The following MAML3 variants were observed in gnomAD, a reference collection of about 807,000 sequenced individuals.
The protein encoded by MAML3 is mastermind-like protein 3.
A neutral mutation model predicts 101.9 loss-of-function variants in MAML3; 27 were observed. The observed-to-expected ratio is 0.27, with a 90% CI of 0.20 to 0.37. The LOEUF (loss-of-function observed/expected upper bound fraction) is 0.37. MAML3 is among the 10% of genes least tolerant of loss of function. The probability of loss-of-function intolerance (pLI) is 1.00; values close to 1 mark genes in which losing one functional copy is unlikely to be tolerated. For synonymous variants in MAML3, 501 were observed against 555.9 expected (o/e 0.90, Z 1.39); for missense variants, 1,316 against 1,444.9 (o/e 0.91, Z 1.45).
At chr4:140,133,183 GT>G in intron 1 of MAML3, 1 of 389,390 alleles carries the variant, frequency 2.6e-6, no homozygotes, top group South Asian at 1.9e-5. Context: ...AAAAAAGAGA[GT>G]TTACTTTAAA....
intron 1 of MAML3, among the ~76,000 whole-genome samples, chr4:140,111,977 C>A (rs1403806761): frequency 6.6e-6 from 1 of 152,174 alleles, no homozygotes; most frequent in Non-Finnish European, 1.5e-5. Flanking sequence ...TAGACTGACC[C>A]TTGGTTCTGG....
chr4:140,122,220 C>CTTTT lies in MAML3; in HGVS notation c.468+30636_468+30639dup, dbSNP rs369602172. Among the ~76,000 whole-genome samples, 31 of 124,580 alleles carry CTTTT rather than the reference C, an allele frequency of 2.5e-4. 6 individuals carry two copies. The highest frequency in any genetic ancestry group is 1.1e-3 in the South Asian group (4 of 3,726). The allele number at this position is 124,580 out of a possible 152,430, so 81.7% of individuals were successfully genotyped here. ...TTCTCACAGGAATAATCAAACGAGACTTTTTTTTTTTTTTTTTTTAAACAG... is the reference window on the plus strand; with the variant it reads ...TTCTCACAGGAATAATCAAACGAGACTTTTTTTTTTTTTTTTTTTTTTTAAACAG... On this transcript the variant is annotated intron_variant, in intron 1 of 4. Transcript: ENST00000509479.
In MAML3 at chr4:140,083,420, C is replaced by G. The variant is rs77973818; in HGVS notation, c.468+69440G>C. Reference sequence around the variant, plus strand: ...GCCATTCCAATGCACAGTCACCCTTCTTGCCCTGGGCCAGATTTAGGGAGG... The same window carrying G: ...GCCATTCCAATGCACAGTCACCCTTGTTGCCCTGGGCCAGATTTAGGGAGG... On this transcript the variant is annotated intron_variant, in intron 1 of 4. Transcript: ENST00000509479. 7.5e-3 allele frequency among the ~76,000 whole-genome samples: 1,138 copies of G among 152,304 alleles called. 14 individuals carry two copies. Among genetic ancestry groups the G allele is most frequent in the African/African-American group, 0.026 (1,090 of 41,554 alleles).
chr4:139,735,115 G>C lies in MAML3; in HGVS notation c.2080-4448C>G, dbSNP rs1204827607. On this transcript the variant is annotated intron_variant, in intron 2 of 4. Coordinates refer to ENST00000509479, the MANE Select transcript of MAML3 (RefSeq NM_018717.5). The surrounding 1 kb of genome is among the most constrained non-coding windows in gnomAD (Gnocchi z 5.8). ...CGTCTGGGCGAGCGCTGCGAACGTG[G>C]AGCCAGGCAGTCAAGTGTTACTGCG... Among the ~76,000 whole-genome samples the C allele has an allele frequency of 6.6e-6, 1 of 152,194 alleles. No individual in the cohort carries two copies. Among genetic ancestry groups the C allele is most frequent in the Non-Finnish European group, 1.5e-5 (1 of 68,036 alleles).
chr4:139,752,675 C>T (rs1234301814), intron 2 of MAML3, among the ~76,000 whole-genome samples: 1 of 152,160 alleles, frequency 6.6e-6, no homozygotes, highest in Non-Finnish European at 1.5e-5. Flanking sequence ...AGCATTTATA[C>T]ATATTTCTCC....
intron 2 of MAML3, among the ~76,000 whole-genome samples, chr4:139,867,480 T>C (rs1448395789): frequency 7.2e-5 from 11 of 152,220 alleles, no homozygotes; most frequent in Middle Eastern, 3.2e-3. Flanking sequence ...ATCTGCTACA[T>C]ACCAAGCTCC....
At chr4:139,975,525 C>T (rs1280469934) in intron 1 of MAML3, among the ~76,000 whole-genome samples, 1 of 152,160 alleles carries the variant, frequency 6.6e-6, no homozygotes, top group African/African-American at 2.4e-5. Flanking sequence ...CCATATTCTA[C>T]CATGTGATAT....
chr4:139,994,011 T>TCAA (rs1007242131), intron 1 of MAML3, among the ~76,000 whole-genome samples: 3 of 152,194 alleles, frequency 2.0e-5, no homozygotes, highest in African/African-American at 7.2e-5. Context: ...CATTTTGAAT[T>TCAA]AATTTTTGTG....
At chr4:139,830,540 A>T (rs555606796) in intron 2 of MAML3, among the ~76,000 whole-genome samples, 1 of 148,920 alleles carries the variant, frequency 6.7e-6, no homozygotes, top group East Asian at 2.0e-4. Flanking sequence ...TCAGCCTCCC[A>T]AGTAGCTGGG....
Position 139,872,588 on chromosome 4 carries a change from G to A in MAML3, c.2079+16769C>T, listed in dbSNP as rs180689111. ...CTGGAGGATGTACTGGAAGAACTCA[G>A]GGGTGCACACAGAAGTGAACTGCAG... On this transcript the variant is annotated intron_variant, in intron 2 of 4. Coordinates refer to ENST00000509479, the MANE Select transcript of MAML3 (RefSeq NM_018717.5). Among the ~76,000 whole-genome samples the A allele has an allele frequency of 2.8e-3, 432 of 152,300 alleles. 2 individuals carry two copies. Among genetic ancestry groups the A allele is most frequent in the Non-Finnish European group, 4.9e-3 (332 of 68,026 alleles).
intron 1 of MAML3, among the ~76,000 whole-genome samples, chr4:140,054,883 A>AT (rs1432750640): frequency 6.6e-6 from 1 of 152,228 alleles, no homozygotes; most frequent in Non-Finnish European, 1.5e-5. Flanking sequence ...ACTGTAGAAT[A>AT]TTTTTAAAGT....
chr4:139,727,049 T>C (rs1728503280), intron 3 of MAML3, among the ~76,000 whole-genome samples: 1 of 152,200 alleles, frequency 6.6e-6, no homozygotes, highest in African/African-American at 2.4e-5. Flanking sequence ...CTTTAGAGTG[T>C]TCATTATAAA....
At chr4:139,775,644 G>A (rs1346739745) in intron 2 of MAML3, among the ~76,000 whole-genome samples, 1 of 152,046 alleles carries the variant, frequency 6.6e-6, no homozygotes, top group Admixed American at 6.6e-5. Context: ...AGTGGTTCGG[G>A]GGGCAGAATG....
chr4:139,822,810 A>G (rs1730997819), intron 2 of MAML3, among the ~76,000 whole-genome samples: 1 of 152,198 alleles, frequency 6.6e-6, no homozygotes, highest in African/African-American at 2.4e-5. Context: ...GAAGAATCAG[A>G]ATTCTGTTTT....
intron 1 of MAML3, among the ~76,000 whole-genome samples, chr4:139,922,017 G>A (rs1004899634): frequency 2.0e-5 from 3 of 152,242 alleles, no homozygotes; most frequent in African/African-American, 4.8e-5. Flanking sequence ...AATCTGATTC[G>A]GCTCAGCATC....
At chr4:139,775,275 ACCT>A (rs888813018) in intron 2 of MAML3, among the ~76,000 whole-genome samples, 1 of 152,144 alleles carries the variant, frequency 6.6e-6, no homozygotes, top group African/African-American at 2.4e-5. Flanking sequence ...GCCCTAAGCA[ACCT>A]CCTGCTAGGC....
At chr4:139,761,926 AGAACAGCCCTGTG>A (rs1489030996) in intron 2 of MAML3, among the ~76,000 whole-genome samples, 1 of 152,186 alleles carries the variant, frequency 6.6e-6, no homozygotes, top group Non-Finnish European at 1.5e-5. Context: ...ATGAAGGTAA[AGAACAGCCCTGTG>A]GACAAGCAGT....
At chr4:139,858,452 C>CTTTTT (rs59968954) in intron 2 of MAML3, among the ~76,000 whole-genome samples, 1 of 131,386 alleles carries the variant, frequency 7.6e-6, no homozygotes, top group Non-Finnish European at 1.6e-5. Flanking sequence ...TGATTCTTGG[C>CTTTTT]TTTTTTTTTT....
intron 2 of MAML3, among the ~76,000 whole-genome samples, chr4:139,859,062 A>G (rs182614888): frequency 1.1e-3 from 163 of 152,278 alleles, no homozygotes; most frequent in South Asian, 1.0e-3. Flanking sequence ...GTGAATATCA[A>G]AAGGCAGCCC....
Sources: gnomAD v4.1 joint callset for allele counts (sites outside exome capture counted in the v4.1 genomes callset) on GRCh38, gnomAD v4.1.1 for gene constraint, Gnocchi (gnomAD v3.1) non-coding constraint, MANE v1.5 for transcripts, NCBI Gene and HGNC (gene_info 2026-07-23, HGNC 2026-07-21) for gene names.